POLD3: variants seen among roughly 807,000 people sequenced by gnomAD.
POLD3 encodes DNA polymerase delta 3, accessory subunit, also known as DNA polymerase delta subunit 3.
Under a neutral mutation model 58.2 loss-of-function variants are expected in POLD3, and 19 were observed. That is an observed-to-expected ratio of 0.33 (90% CI 0.23 to 0.48). POLD3 has a LOEUF of 0.48. POLD3 is among the 20% of genes least tolerant of loss of function. The pLI is 0.99. For missense variants in POLD3, 504 were observed against 545.5 expected (o/e 0.92, Z 0.76); for synonymous variants, 172 against 193.5 (o/e 0.89, Z 0.92).
chr11:74,608,477 G>A (rs1051141179), intron 3 of POLD3, among the ~76,000 whole-genome samples: 21 of 152,008 alleles, frequency 1.4e-4, no homozygotes, highest in African/African-American at 4.6e-4. Flanking sequence ...TCAACTAGCC[G>A]TGTTTTCCCT....
chr11:74,625,399 T>C lies in POLD3; in HGVS notation c.734-9T>C. ...GGGTCATATGTCGTCTGCTATACTT[T>C]ATTTATAGATAAATTTAAAGTCAAT... On this transcript the variant is annotated splice_polypyrimidine_tract_variant and intron_variant, in intron 7 of 11. Transcript: ENST00000263681. The C allele has an allele frequency of 6.3e-7, 1 of 1,596,144 alleles. No individual in the cohort carries two copies.
chr11:74,607,967 A>G (rs2031755590), intron 3 of POLD3, among the ~76,000 whole-genome samples: 1 of 152,218 alleles, frequency 6.6e-6, no homozygotes, highest in Non-Finnish European at 1.5e-5. Flanking sequence ...AACAATATAT[A>G]GAACGTGAAA....
intron 4 of POLD3, among the ~76,000 whole-genome samples, chr11:74,664,204 T>G (rs1029906423): frequency 1.3e-5 from 2 of 152,192 alleles, no homozygotes; most frequent in Non-Finnish European, 2.9e-5. Context: ...CACAACCACT[T>G]TGAAAATTGG....
intron 4 of POLD3, among the ~76,000 whole-genome samples, chr11:74,657,279 A>G (rs2033148867): frequency 6.6e-6 from 1 of 151,698 alleles, no homozygotes; most frequent in African/African-American, 2.4e-5. Context: ...TTTACATTCA[A>G]TGTTATTATT....
intron 4 of POLD3, 118 bp from the exon 5 acceptor site, chr11:74,612,760 A>T: frequency 2.6e-6 from 2 of 764,676 alleles, no homozygotes; most frequent in Non-Finnish European, 4.2e-6. Flanking sequence ...TGTGGCCTTT[A>T]GAGTTTTTTG....
intron 2 of POLD3, among the ~76,000 whole-genome samples, chr11:74,600,591 C>T (rs745614413): frequency 1.6e-4 from 25 of 151,752 alleles, no homozygotes; most frequent in Non-Finnish European, 3.2e-4. Context: ...GCTGAGATCG[C>T]GCCACTGCAC....
At chr11:74,627,756 CAAT>C (rs1468922689) in intron 8 of POLD3, among the ~76,000 whole-genome samples, 2 of 152,036 alleles carry the variant, frequency 1.3e-5, no homozygotes, top group Non-Finnish European at 1.5e-5. Flanking sequence ...AGTACAGTAA[CAAT>C]GATGTACAGG....
chr11:74,612,317 T>G (rs2031941275), intron 4 of POLD3, among the ~76,000 whole-genome samples: 1 of 152,192 alleles, frequency 6.6e-6, no homozygotes, highest in Admixed American at 6.5e-5. Context: ...TATGTAATGA[T>G]GATCTACTAT....
chr11:74,598,814 T>G (rs1382314278), intron 2 of POLD3, among the ~76,000 whole-genome samples: 1 of 152,128 alleles, frequency 6.6e-6, no homozygotes, highest in Non-Finnish European at 1.5e-5. Context: ...TAGAGCCAAT[T>G]GCCTTTTCTG....
chr11:74,599,960 T>A (rs879261167), intron 2 of POLD3, among the ~76,000 whole-genome samples: 1,832 of 151,768 alleles, frequency 0.012, 30 homozygotes, highest in African/African-American at 0.033. Context: ...ATTATTATTT[T>A]TTTTTTTTTT....
At position 74,640,643 on chromosome 11, in the gene POLD3, AC is replaced by A; in HGVS notation, c.1283del (p.Pro428LeufsTer3). On this transcript the variant is annotated frameshift_variant, in exon 12 of 12. Coordinates refer to ENST00000263681, the MANE Select transcript of POLD3 (RefSeq NM_006591.3). LOFTEE classifies it high-confidence loss of function. ...ACATGAAGACATCCTCAGTACACAG[AC>A]CCCCTGCCATGACTGTGAAAAAAGA... ...LNMKTSSVHR[P>X]PAMTVKKEPR... is the part of the protein sequence containing the mutation. 6.2e-7 allele frequency: 1 copy of A among 1,611,588 alleles called. No individual in the cohort carries two copies. The highest frequency in any genetic ancestry group is 1.3e-5 in the African/African-American group (1 of 74,880).
At chr11:74,599,371 T>TA (rs1257498907) in intron 2 of POLD3, among the ~76,000 whole-genome samples, 1 of 150,158 alleles carries the variant, frequency 6.7e-6, no homozygotes, top group Admixed American at 6.6e-5. Context: ...TCAAGTAATT[T>TA]TTTTTTTTTT....
chr11:74,667,966 C>T (rs4347415), intron 4 of POLD3, among the ~76,000 whole-genome samples: 4,945 of 152,258 alleles, frequency 0.032, 309 homozygotes, highest in African/African-American at 0.11. Flanking sequence ...AAAACATCAA[C>T]GTCGTTAGTC....
At chr11:74,626,505 T>C (rs1214219634) in intron 8 of POLD3, among the ~76,000 whole-genome samples, 1 of 152,230 alleles carries the variant, frequency 6.6e-6, no homozygotes, top group East Asian at 1.9e-4. Flanking sequence ...TCAGATGGTG[T>C]TTTTATTAAT....
chr11:74,643,968 A>G (rs1187271779), downstream of POLD3, among the ~76,000 whole-genome samples: 4 of 152,358 alleles, frequency 2.6e-5, no homozygotes, highest in East Asian at 7.7e-4. Flanking sequence ...TCCCCCGTCA[A>G]CATAGATTTC....
chr11:74,649,801 A>G (rs1228722648), intron 4 of POLD3, among the ~76,000 whole-genome samples: 1 of 152,218 alleles, frequency 6.6e-6, no homozygotes, highest in Admixed American at 6.5e-5. Context: ...TGAGGCCAGG[A>G]GTTCGAGACC....
At chr11:74,611,359 T>C (rs1373987323) in intron 3 of POLD3, 140 bp from the exon 4 acceptor site, 1 of 597,364 alleles carries the variant, frequency 1.7e-6, no homozygotes, top group Non-Finnish European at 3.0e-6. Flanking sequence ...AGTCTGACTT[T>C]ATTAAATTAT....
chr11:74,665,873 T>C (rs1042353864), intron 4 of POLD3, among the ~76,000 whole-genome samples: 2 of 152,230 alleles, frequency 1.3e-5, no homozygotes, highest in African/African-American at 2.4e-5. Context: ...TCACCGCTTA[T>C]ATTCAACATT....
intron 8 of POLD3, among the ~76,000 whole-genome samples, chr11:74,627,371 C>A (rs558462465): frequency 6.6e-6 from 1 of 152,114 alleles, no homozygotes; most frequent in Admixed American, 6.5e-5. Context: ...TACAGCTGTA[C>A]AATTTTTTGT....
Sources: allele counts gnomAD v4.1 joint callset (sites outside exome capture counted in the v4.1 genomes callset), GRCh38; gene constraint gnomAD v4.1.1; transcripts MANE v1.5; gene names NCBI Gene and HGNC (gene_info 2026-07-23, HGNC 2026-07-21).